Variants in TRDMT1 observed in about 807,000 individuals in gnomAD.
TRDMT1 encodes tRNA aspartic acid methyltransferase 1.
Under a neutral mutation model 51.2 loss-of-function variants are expected in TRDMT1, and 49 were observed. That is an observed-to-expected ratio of 0.96 (90% CI 0.76 to 1.21). TRDMT1 has a LOEUF of 1.21. Among genes scored for constraint, TRDMT1 ranks in the 50% most tolerant of loss-of-function variants. The pLI is 0.00. For synonymous variants in TRDMT1, 187 were observed against 164.6 expected, an observed-to-expected ratio of 1.14 and a Z score of -1.04; for missense variants, 534 against 462.3, an observed-to-expected ratio of 1.16 and a Z score of -1.42.
chr10:17,140,614 C>G lies in TRDMT1; in HGVS notation c.*8426G>C, dbSNP rs1001184543. ...TAGCATCAAGATGCAAATGAGGTAGCAACTTACAAGCTTACAATGAACAGA... is the reference window on the plus strand; with the variant it reads ...TAGCATCAAGATGCAAATGAGGTAGGAACTTACAAGCTTACAATGAACAGA... On this transcript the variant is annotated 3_prime_UTR_variant, in exon 11 of 11. Transcript: ENST00000377799. Among the ~76,000 whole-genome samples the G allele has an allele frequency of 6.6e-6, 1 of 152,096 alleles. No homozygotes were observed. Among genetic ancestry groups the G allele is most frequent in the Non-Finnish European group, 1.5e-5 (1 of 68,030 alleles).
In TRDMT1 at chr10:17,148,697, G is replaced by T. The variant is rs1001146574; in HGVS notation, c.*343C>A. ...ATTAACATAAAAATATGTTATGCCT[G>T]TTATGACACTTCACAAGATACTCAT... On this transcript the variant is annotated 3_prime_UTR_variant, in exon 11 of 11. Transcript: ENST00000377799. The T allele has an allele frequency of 3.1e-5, 31 of 986,056 alleles. No individual in the cohort carries two copies. Among genetic ancestry groups the T allele is most frequent in the Non-Finnish European group, 3.6e-5 (30 of 829,582 alleles). The allele number at this position is 986,056 out of a possible 1,614,324, so 61.1% of individuals were successfully genotyped here. A position where few individuals can be genotyped will look rare whatever the true frequency, so the allele number is the denominator to read the frequency against.
intron 3 of TRDMT1, among the ~76,000 whole-genome samples, chr10:17,163,532 T>A (rs1382987127): frequency 6.6e-6 from 1 of 151,842 alleles, no homozygotes; most frequent in East Asian, 1.9e-4. Context: ...AGAGTAGAAC[T>A]GAAGGAAATA....
rs1838188818 is a variant in TRDMT1, at chr10:17,147,143, A to G, written c.*1897T>C. 1 of 985,754 alleles carries G rather than the reference A, an allele frequency of 1.0e-6. No individual in the cohort carries two copies. The highest frequency in any genetic ancestry group is 1.7e-5 in the African/African-American group (1 of 57,368). 61.1% of individuals were successfully genotyped at this position (985,754 alleles called of 1,614,324 possible). The stretch of plus-strand genomic sequence containing the variant: ...AATTATAGCATAATTATTCATAGTT[A>G]CAGTAAAACTCTAAACCATTTTATT... On this transcript the variant is annotated 3_prime_UTR_variant, in exon 11 of 11. Coordinates refer to ENST00000377799, the MANE Select transcript of TRDMT1 (RefSeq NM_004412.7).
At chr10:17,171,132 T>C (rs923254852) in intron 2 of TRDMT1, among the ~76,000 whole-genome samples, 1 of 151,848 alleles carries the variant, frequency 6.6e-6, no homozygotes, top group African/African-American at 2.4e-5. Flanking sequence ...TGTGTGTGTG[T>C]GTGTGTGTGT....
At chr10:17,192,363 G>GT (rs1262175166) in intron 1 of TRDMT1, among the ~76,000 whole-genome samples, 1 of 152,182 alleles carries the variant, frequency 6.6e-6, no homozygotes, top group Admixed American at 6.5e-5. Context: ...AACAGAGATA[G>GT]TAAGAATGAC....
intron 3 of TRDMT1, among the ~76,000 whole-genome samples, chr10:17,162,642 A>G (rs1032924889): frequency 1.1e-4 from 16 of 152,116 alleles, no homozygotes; most frequent in Admixed American, 4.6e-4. Context: ...CGGGAGTTCC[A>G]GACCAGCCTG....
chr10:17,169,358 C>T lies in TRDMT1; in HGVS notation c.175-441G>A, dbSNP rs902703981. 4.1e-6 allele frequency: 5 copies of T among 1,226,570 alleles called. No individual in the cohort carries two copies. In the Admixed American group the frequency reaches 8.8e-5, roughly 21 times the overall value. 76.0% of individuals were successfully genotyped at this position (1,226,570 alleles called of 1,614,324 possible). Reference sequence around the variant, plus strand: ...GCAAATGTGATATGCAGACCAGTCACCATCCCTTTCATATACATCTGTTAA... The same window carrying T: ...GCAAATGTGATATGCAGACCAGTCATCATCCCTTTCATATACATCTGTTAA... On this transcript the variant is annotated intron_variant, in intron 2 of 10. Coordinates refer to ENST00000377799, the MANE Select transcript of TRDMT1 (RefSeq NM_004412.7).
rs1838614119 is a variant in TRDMT1, at chr10:17,150,923, C to T, written c.1076-1783G>A. On this transcript the variant is annotated intron_variant, in intron 10 of 10. Coordinates refer to ENST00000377799, the MANE Select transcript of TRDMT1 (RefSeq NM_004412.7). ...AGACTATCCCAGAGATGATCTTTTG[C>T]AATATTACAATTACCTCAGAAGGAA... is the stretch of plus-strand genomic sequence containing the variant. The T allele has an allele frequency of 4.1e-6, 4 of 985,152 alleles. No individual in the cohort carries two copies. In the Middle Eastern group the frequency reaches 1.6e-3, roughly 386 times the overall value. 61.0% of individuals were successfully genotyped at this position (985,152 alleles called of 1,614,324 possible).
rs1838305991 is a variant in TRDMT1, at chr10:17,148,485, G to C, written c.*555C>G. Reference sequence around the variant, plus strand: ...TCATGGAGAGGTAATCAAACATTTAGGATTATTTTTCCTGACATATTCTTC... The same window carrying C: ...TCATGGAGAGGTAATCAAACATTTACGATTATTTTTCCTGACATATTCTTC... On this transcript the variant is annotated 3_prime_UTR_variant, in exon 11 of 11. Coordinates refer to ENST00000377799, the MANE Select transcript of TRDMT1 (RefSeq NM_004412.7). The C allele has an allele frequency of 1.0e-6, 1 of 985,302 alleles. No individual in the cohort carries two copies. Among genetic ancestry groups the C allele is most frequent in the Non-Finnish European group, 1.2e-6 (1 of 829,918 alleles). The allele number at this position is 985,302 out of a possible 1,614,324, so 61.0% of individuals were successfully genotyped here.
rs1299586044 is a variant in TRDMT1 at position 17,141,404 on chromosome 10, C to T, written c.*7636G>A. On this transcript the variant is annotated 3_prime_UTR_variant, in exon 11 of 11. Transcript: ENST00000377799. The stretch of plus-strand genomic sequence containing the variant: ...CTCTATCTCCTGACCTTATGATCTG[C>T]CCCCCTTCGCCTCCTAAAGTGCTGG... Among the ~76,000 whole-genome samples, 3 of 152,130 alleles carry T rather than the reference C, an allele frequency of 2.0e-5. No homozygotes were observed. The highest frequency in any genetic ancestry group is 2.1e-4 in the South Asian group (1 of 4,824).
intron 2 of TRDMT1, chr10:17,169,443 G>A: frequency 1.6e-6 from 2 of 1,289,474 alleles, no homozygotes; most frequent in African/African-American, 1.5e-5. Flanking sequence ...TTGTTTTGCA[G>A]TTGTGTGCAA....
rs745371075 is a variant in TRDMT1, at chr10:17,153,535, T to C, written c.1047A>G (p.Ala349=). 28 of 1,613,976 alleles carry C rather than the reference T, an allele frequency of 1.7e-5. No homozygotes were observed. The highest frequency in any genetic ancestry group is 2.3e-5 in the Non-Finnish European group (27 of 1,179,986). ...ACTCTGGAGGAAATCCAAGGAGATTTGCTATTTCTTTAGGAGTGAAATATC... is the reference window on the plus strand; with the variant it reads ...ACTCTGGAGGAAATCCAAGGAGATTCGCTATTTCTTTAGGAGTGAAATATC... The part of the protein sequence containing the change: ...KLRYFTPKEI[A]NLLGFPPEFG... Residue 349 remains alanine (A), a synonymous_variant, in exon 10 of 11, where the codon GCA becomes GCG. Coordinates refer to ENST00000377799, the MANE Select transcript of TRDMT1 (RefSeq NM_004412.7).
Position 17,139,497 on chromosome 10 carries a change from AAC to A in TRDMT1, c.*9541_*9542del, listed in dbSNP as rs1837524182. ...TCACCACCGATGGGGGGAAGAAAAA[AAC>A]AGTTTGGTTCTCTTCTGGGAAGGAA... On this transcript the variant is annotated 3_prime_UTR_variant, in exon 11 of 11. Coordinates refer to ENST00000377799, the MANE Select transcript of TRDMT1 (RefSeq NM_004412.7). Among the ~76,000 whole-genome samples the A allele has an allele frequency of 6.6e-6, 1 of 152,172 alleles. No individual in the cohort carries two copies. Among genetic ancestry groups the A allele is most frequent in the Admixed American group, 6.5e-5 (1 of 15,270 alleles).
chr10:17,180,812 A>G (rs902607964), intron 1 of TRDMT1, among the ~76,000 whole-genome samples: 3 of 152,196 alleles, frequency 2.0e-5, no homozygotes, highest in East Asian at 3.8e-4. Flanking sequence ...TAAGCAAATG[A>G]GTACTTAAGA....
At position 17,142,944 on chromosome 10, in the gene TRDMT1, A is replaced by G; in HGVS notation, c.*6096T>C. The G allele has an allele frequency of 1.0e-6, 1 of 964,498 alleles. No homozygotes were observed. Among genetic ancestry groups the G allele is most frequent in the Non-Finnish European group, 1.2e-6 (1 of 811,254 alleles). The allele number at this position is 964,498 out of a possible 1,614,324, so 59.7% of individuals were successfully genotyped here. A position where few individuals can be genotyped will look rare whatever the true frequency, so the allele number is the denominator to read the frequency against. On this transcript the variant is annotated 3_prime_UTR_variant, in exon 11 of 11. Transcript: ENST00000377799. ...CACTTTTCAGGGAGGAGCAGGGAGA[A>G]ATAAATCTACACTCTCTTGTCAAGA...
intron 1 of TRDMT1, among the ~76,000 whole-genome samples, chr10:17,177,256 G>T (rs1842736477): frequency 1.3e-5 from 2 of 150,890 alleles, no homozygotes; most frequent in African/African-American, 2.4e-5. Flanking sequence ...GAGTTCAGTG[G>T]CATGATCTCG....
At chr10:17,188,942 T>C (rs188143351) in intron 1 of TRDMT1, among the ~76,000 whole-genome samples, 361 of 152,378 alleles carry the variant, frequency 2.4e-3, no homozygotes, top group Non-Finnish European at 4.0e-3. Context: ...AAATTACTTC[T>C]AGATCTTTAA....
intron 1 of TRDMT1, among the ~76,000 whole-genome samples, chr10:17,177,012 C>A (rs1361165201): frequency 6.6e-6 from 1 of 151,832 alleles, no homozygotes; most frequent in Non-Finnish European, 1.5e-5. Flanking sequence ...TCGTGAGTAT[C>A]TTTTCATTGA....
At chr10:17,185,851 A>G (rs1467687351) in intron 1 of TRDMT1, among the ~76,000 whole-genome samples, 2 of 152,134 alleles carry the variant, frequency 1.3e-5, no homozygotes, top group African/African-American at 4.8e-5. Flanking sequence ...GTGGGAATTG[A>G]ACAATGAGAA....
Sources: allele counts gnomAD v4.1 joint callset (sites outside exome capture counted in the v4.1 genomes callset), GRCh38; gene constraint gnomAD v4.1.1; transcripts MANE v1.5; gene names NCBI Gene and HGNC (gene_info 2026-07-23, HGNC 2026-07-21).